Variants in LMBR1 observed in about 807,000 individuals in gnomAD.
LMBR1 encodes limb development membrane protein 1.
Under a neutral mutation model 73.9 loss-of-function variants are expected in LMBR1, and 52 were observed. The ratio of observed to expected loss-of-function variants is 0.70; its 90% CI spans 0.56 to 0.89. The LOEUF is 0.89. LMBR1 is among the 40% of genes least tolerant of loss of function. The pLI, the probability that LMBR1 is intolerant of heterozygous loss-of-function variation, is 0.00. For synonymous variants in LMBR1, 215 were observed against 209.4 expected (o/e 1.03, Z -0.23); for missense variants, 539 against 579.8 (o/e 0.93, Z 0.72).
At chr7:156,711,345 A>G (rs1239986734) in intron 15 of LMBR1, among the ~76,000 whole-genome samples, 1 of 152,142 alleles carries the variant, frequency 6.6e-6, no homozygotes, top group Non-Finnish European at 1.5e-5. Flanking sequence ...TAATGAAAGA[A>G]ATTGTGGATA....
At chr7:156,815,739 C>T (rs1003418293) in intron 4 of LMBR1, among the ~76,000 whole-genome samples, 5 of 152,130 alleles carry the variant, frequency 3.3e-5, no homozygotes, top group African/African-American at 4.8e-5. Flanking sequence ...CAAATTACCA[C>T]GTGTTGGGGA....
At chr7:156,885,973 G>A (rs1185180134) in intron 1 of LMBR1, among the ~76,000 whole-genome samples, 2 of 151,586 alleles carry the variant, frequency 1.3e-5, no homozygotes, top group East Asian at 1.9e-4. Context: ...CCAGGAGGTA[G>A]AGGTTGCAGT....
At chr7:156,675,107 G>C (rs1002833528), downstream of LMBR1, among the ~76,000 whole-genome samples, 1 of 152,246 alleles carries the variant, frequency 6.6e-6, no homozygotes, top group African/African-American at 2.4e-5. Context: ...GACCGGAAGA[G>C]ATAGTGCAGA....
At chr7:156,717,254 A>G (rs1813408587) in intron 15 of LMBR1, among the ~76,000 whole-genome samples, 1 of 152,226 alleles carries the variant, frequency 6.6e-6, no homozygotes, top group South Asian at 2.1e-4. Flanking sequence ...TTCTGGTTTG[A>G]CCACTTGGAT....
intron 4 of LMBR1, among the ~76,000 whole-genome samples, chr7:156,809,991 C>T (rs549706897): frequency 7.9e-5 from 12 of 152,206 alleles, no homozygotes; most frequent in African/African-American, 2.6e-4. Context: ...TTTAGAAACA[C>T]CAACTACATC....
At chr7:156,888,471 G>A (rs1335899232) in intron 1 of LMBR1, among the ~76,000 whole-genome samples, 1 of 150,976 alleles carries the variant, frequency 6.6e-6, no homozygotes, top group Admixed American at 6.6e-5. Flanking sequence ...TTCTACTTCT[G>A]AATTGAAAGC....
rs868402708 is a variant in LMBR1 at position 156,715,015 on chromosome 7, G to A, written c.1225+9097C>T. 2.7e-5 allele frequency among the ~76,000 whole-genome samples: 4 copies of A among 150,328 alleles called. No homozygotes were observed. In the South Asian group the frequency reaches 6.3e-4, roughly 24 times the overall value. ...CACCCAGGCTGGAGTGCAGTGGCAC[G>A]ATCTCAGGTCACTGTAGCCTCTGCT... On this transcript the variant is annotated intron_variant, in intron 15 of 16. Transcript: ENST00000353442.
chr7:156,728,854 A>T, intron 10 of LMBR1, 134 bp from the exon 11 acceptor site: 1 of 669,586 alleles, frequency 1.5e-6, no homozygotes, highest in Non-Finnish European at 2.4e-6. Context: ...TCCATAAACT[A>T]AAAAAACTAC....
chr7:156,849,870 AC>A (rs1471304230), intron 1 of LMBR1, among the ~76,000 whole-genome samples: 2 of 152,182 alleles, frequency 1.3e-5, no homozygotes, highest in African/African-American at 2.4e-5. Flanking sequence ...ATCAACCATA[AC>A]AAATTTTCCA....
At chr7:156,764,350 C>T (rs6948748) in intron 5 of LMBR1, among the ~76,000 whole-genome samples, 6,163 of 152,260 alleles carry the variant, frequency 0.04, 405 homozygotes, top group African/African-American at 0.14. Flanking sequence ...CTTTTCTTCA[C>T]ATTATATAGA....
intron 4 of LMBR1, among the ~76,000 whole-genome samples, chr7:156,815,142 G>C (rs989104761): frequency 1.5e-5 from 2 of 129,076 alleles, no homozygotes; most frequent in Admixed American, 8.7e-5. Context: ...GGCAACAAGA[G>C]TGAAACTCCG....
rs554311314 is a variant in LMBR1, at chr7:156,678,066, A to G, written c.*6012T>C. 6.6e-6 allele frequency: 1 copy of G among 152,270 alleles called. No homozygotes were observed. The highest frequency in any genetic ancestry group is 6.5e-5 in the Admixed American group (1 of 15,294). The allele number at this position is 152,270 out of a possible 1,614,324, so 9.4% of individuals were successfully genotyped here. Reference sequence around the variant, plus strand: ...CATTCAGTGATGGGAAGAGCCCAGGAAAGGTTGTGCCTAAGGCTGTGCCCA... The same window carrying G: ...CATTCAGTGATGGGAAGAGCCCAGGGAAGGTTGTGCCTAAGGCTGTGCCCA... On this transcript the variant is annotated 3_prime_UTR_variant, in exon 17 of 17. Coordinates refer to ENST00000353442, the MANE Select transcript of LMBR1 (RefSeq NM_022458.4).
intron 5 of LMBR1, among the ~76,000 whole-genome samples, chr7:156,791,585 T>C (rs1829240232): frequency 6.6e-6 from 1 of 152,228 alleles, no homozygotes; most frequent in African/African-American, 2.4e-5. Flanking sequence ...TCCTCTATTG[T>C]GCTGTCATGT....
chr7:156,832,717 C>T (rs185853358), intron 3 of LMBR1, among the ~76,000 whole-genome samples: 1 of 152,326 alleles, frequency 6.6e-6, no homozygotes, highest in African/African-American at 2.4e-5. Context: ...TCTTCCTCTT[C>T]CCCTTTTCTT....
chr7:156,669,418 T>C lies in LMBR1; in HGVS notation n.867-131A>G. 1 of 152,268 alleles carries C rather than the reference T, an allele frequency of 6.6e-6. No individual in the cohort carries two copies. Among genetic ancestry groups the C allele is most frequent in the East Asian group, 1.9e-4 (1 of 5,174 alleles). 9.4% of individuals were successfully genotyped at this position (152,268 alleles called of 1,614,324 possible). A position where few individuals can be genotyped will look rare whatever the true frequency, so the allele number is the denominator to read the frequency against. ...AGATGTTTGAAATAAGGTGGAAATGTCTGAGGAGATGCACCCTGAACCCAA... is the reference window on the plus strand; with the variant it reads ...AGATGTTTGAAATAAGGTGGAAATGCCTGAGGAGATGCACCCTGAACCCAA... On this transcript the variant is annotated intron_variant and non_coding_transcript_variant, in intron 4 of 4. Coordinates refer to the LMBR1 transcript ENST00000430825. This position sits in a 1 kb window ranked among gnomAD's most constrained non-coding sequence, Gnocchi z 4.2.
chr7:156,834,946 C>A (rs769100662), intron 2 of LMBR1, among the ~76,000 whole-genome samples: 1 of 151,896 alleles, frequency 6.6e-6, no homozygotes, highest in African/African-American at 2.4e-5. Flanking sequence ...TCAAGACCAT[C>A]CTGGCCAACA....
At chr7:156,782,924 A>T (rs573311065) in intron 5 of LMBR1, among the ~76,000 whole-genome samples, 5 of 152,074 alleles carry the variant, frequency 3.3e-5, no homozygotes, top group Admixed American at 2.6e-4. Flanking sequence ...CCATTTGTGT[A>T]TCTTCTTTGG....
chr7:156,854,736 G>T (rs2134118719), intron 1 of LMBR1, among the ~76,000 whole-genome samples: 2 of 152,310 alleles, frequency 1.3e-5, no homozygotes, highest in Middle Eastern at 6.8e-3. Context: ...AAAAGACTGA[G>T]ACCTAATCAC....
intron 4 of LMBR1, among the ~76,000 whole-genome samples, chr7:156,820,913 A>G (rs1365337791): frequency 6.6e-6 from 1 of 152,170 alleles, no homozygotes; most frequent in Non-Finnish European, 1.5e-5. Context: ...TGCTGTGTGG[A>G]GCCTTTGGCA....
Sources: gnomAD v4.1 joint callset for allele counts (sites outside exome capture counted in the v4.1 genomes callset) on GRCh38, gnomAD v4.1.1 for gene constraint, Gnocchi (gnomAD v3.1) non-coding constraint, MANE v1.5 for transcripts, NCBI Gene and HGNC (gene_info 2026-07-23, HGNC 2026-07-21) for gene names.